Variants in KAZN observed in about 807,000 individuals in gnomAD.
The protein encoded by KAZN is kazrin.
Under a neutral mutation model 87.4 loss-of-function variants are expected in KAZN, and 40 were observed. The observed-to-expected ratio is 0.46, with a 90% confidence interval of 0.36 to 0.60. The LOEUF is 0.60. Ranked by LOEUF, KAZN falls within the 20% of genes least tolerant of loss-of-function variation. The probability of loss-of-function intolerance (pLI) is 0.00; values close to 1 mark genes in which losing one functional copy is unlikely to be tolerated. For synonymous variants in KAZN, 466 were observed against 458.3 expected (o/e 1.02, Z -0.22); for missense variants, 898 against 1,073.9 (o/e 0.84, Z 2.29).
At chr1:14,817,809 C>T (rs10489354) in intron 1 of KAZN, among the ~76,000 whole-genome samples, 37,801 of 151,652 alleles carry the variant, frequency 0.25, 5,152 homozygotes, top group African/African-American at 0.35. Context: ...ATTATTAAAA[C>T]TGTGTATATA....
At chr1:13,921,975 T>C (rs185476962) in intron 1 of KAZN, among the ~76,000 whole-genome samples, 1 of 152,194 alleles carries the variant, frequency 6.6e-6, no homozygotes, top group African/African-American at 2.4e-5. Flanking sequence ...AGGTCATGAG[T>C]CATTGGAGAG....
chr1:14,244,359 ACT>A (rs1649296172), intron 2 of KAZN, among the ~76,000 whole-genome samples: 1 of 151,738 alleles, frequency 6.6e-6, no homozygotes, highest in Non-Finnish European at 1.5e-5. Flanking sequence ...GCTCATACGA[ACT>A]CTCTAACCCA....
At chr1:14,407,785 C>T (rs932839780) in intron 2 of KAZN, among the ~76,000 whole-genome samples, 2 of 151,972 alleles carry the variant, frequency 1.3e-5, no homozygotes, top group African/African-American at 4.8e-5. Context: ...GACAAATATG[C>T]ACTTGAATGA....
At chr1:14,582,440 T>A (rs1402331540) in intron 2 of KAZN, among the ~76,000 whole-genome samples, 2 of 152,196 alleles carry the variant, frequency 1.3e-5, no homozygotes, top group Admixed American at 6.5e-5. Context: ...GACCGACTCT[T>A]CAGCTTGAAA....
rs375276091 is a variant in KAZN, at chr1:14,537,575, G to C, written c.250-61408G>C. Among the ~76,000 whole-genome samples the C allele has an allele frequency of 1.8e-4, 28 of 152,250 alleles. No homozygotes were observed. The East Asian group carries it at 5.2e-3, about 28-fold the overall frequency. ...CCCTGCCACTCATTCTCAGTAGCCT[G>C]AGTGTGGTCATTTGAATTTCCAAGC... On this transcript the variant is annotated intron_variant, in intron 2 of 16. Transcript: ENST00000636203.
intron 1 of KAZN, among the ~76,000 whole-genome samples, chr1:14,725,975 G>T (rs1025359656): frequency 2.0e-4 from 30 of 152,318 alleles, no homozygotes; most frequent in African/African-American, 6.7e-4. Context: ...TTGCATCTAG[G>T]TTGCACTAAA....
intron 1 of KAZN, among the ~76,000 whole-genome samples, chr1:13,895,335 T>A (rs1638995269): frequency 6.6e-6 from 1 of 152,182 alleles, no homozygotes; most frequent in African/African-American, 2.4e-5. Context: ...CTTGCCTTTC[T>A]ACTTCTCTGA....
chr1:14,377,709 T>G (rs962592105), intron 2 of KAZN, among the ~76,000 whole-genome samples: 11 of 152,232 alleles, frequency 7.2e-5, no homozygotes, highest in Non-Finnish European at 1.3e-4. Flanking sequence ...GAAAGCCTGC[T>G]GCTAACTCCA....
chr1:14,598,404 C>A (rs1180577094), upstream of KAZN, among the ~76,000 whole-genome samples: 1 of 152,122 alleles, frequency 6.6e-6, no homozygotes, highest in African/African-American at 2.4e-5. This position sits in a 1 kb window ranked among gnomAD's most constrained non-coding sequence, Gnocchi z 4.2. Context: ...AACCTTAGCA[C>A]GGCTCGGGGC....
intron 1 of KAZN, among the ~76,000 whole-genome samples, chr1:14,132,695 G>A (rs189306462): frequency 2.0e-5 from 3 of 152,264 alleles, no homozygotes; most frequent in East Asian, 1.9e-4. Flanking sequence ...CCACCCATTC[G>A]ATGGAATGTT....
rs965563861 is a variant in KAZN at position 15,094,430 on chromosome 1, G to T, written c.1428+45G>T. Reference sequence around the variant, plus strand: ...CTATGGGATGCCACCCATGCCCTCTGTGAGCTTTACGTACCCAGAAGCTGG... The same window carrying T: ...CTATGGGATGCCACCCATGCCCTCTTTGAGCTTTACGTACCCAGAAGCTGG... On this transcript the variant is annotated intron_variant, in intron 9 of 14. Coordinates refer to ENST00000376030, the MANE Select transcript of KAZN (RefSeq NM_201628.3). This position sits in a 1 kb window ranked among gnomAD's most constrained non-coding sequence, Gnocchi z 4.5. 6.4e-7 allele frequency: 1 copy of T among 1,551,230 alleles called. No individual in the cohort carries two copies. Among genetic ancestry groups the T allele is most frequent in the Admixed American group, 1.9e-5 (1 of 53,562 alleles).
intron 1 of KAZN, among the ~76,000 whole-genome samples, chr1:14,168,530 G>A (rs1645881476): frequency 1.3e-5 from 2 of 152,174 alleles, no homozygotes; most frequent in Admixed American, 6.5e-5. Flanking sequence ...GACTTTGAAG[G>A]ATGTGGCGGG....
intron 2 of KAZN, among the ~76,000 whole-genome samples, chr1:14,418,069 C>T (rs1302490185): frequency 2.3e-5 from 3 of 130,130 alleles, no homozygotes; most frequent in Non-Finnish European, 4.7e-5. Context: ...TTTGCCATCT[C>T]TAGACATGTC....
intron 2 of KAZN, among the ~76,000 whole-genome samples, chr1:14,193,538 C>A (rs1646465202): frequency 6.6e-6 from 1 of 152,126 alleles, no homozygotes; most frequent in African/African-American, 2.4e-5. Flanking sequence ...CAGCCTCCAG[C>A]ACTGTAAGAC....
At chr1:14,260,217 A>G (rs562328450) in intron 2 of KAZN, among the ~76,000 whole-genome samples, 1 of 152,328 alleles carries the variant, frequency 6.6e-6, no homozygotes, top group South Asian at 2.1e-4. Context: ...TGAGCAAAAC[A>G]GACAGATATC....
In KAZN at chr1:14,151,298, C is replaced by T. The variant is rs569794120; in HGVS notation, c.92-29137C>T. On this transcript the variant is annotated intron_variant, in intron 1 of 16. Coordinates refer to the KAZN transcript ENST00000636203. ...AAGACACTAAACTGGTAGTTTTGAACCATGCATTTTTTTTTCAGGACATAA... is the reference window on the plus strand; with the variant it reads ...AAGACACTAAACTGGTAGTTTTGAATCATGCATTTTTTTTTCAGGACATAA... Among the ~76,000 whole-genome samples the T allele has an allele frequency of 3.0e-4, 46 of 152,114 alleles. 1 individual carries two copies. The highest frequency in any genetic ancestry group is 3.4e-3 in the Middle Eastern group (1 of 292).
At chr1:14,407,918 T>A (rs894307245) in intron 2 of KAZN, among the ~76,000 whole-genome samples, 53 of 152,316 alleles carry the variant, frequency 3.5e-4, no homozygotes, top group African/African-American at 1.2e-3. Context: ...AGACATTTCA[T>A]TATTTGCTAC....
intron 1 of KAZN, among the ~76,000 whole-genome samples, chr1:14,646,143 G>T (rs905970605): frequency 1.3e-5 from 2 of 152,184 alleles, no homozygotes; most frequent in African/African-American, 4.8e-5. Context: ...GGAGTGCTTT[G>T]GGTGATAGAC....
intron 1 of KAZN, among the ~76,000 whole-genome samples, chr1:13,908,025 G>C (rs192790456): frequency 2.6e-5 from 4 of 152,358 alleles, no homozygotes; most frequent in Non-Finnish European, 1.5e-5. Flanking sequence ...AGATGGAATA[G>C]ATGACAAGGC....
Sources: allele counts gnomAD v4.1 joint callset (sites outside exome capture counted in the v4.1 genomes callset), GRCh38; gene constraint gnomAD v4.1.1; non-coding constraint Gnocchi (gnomAD v3.1); transcripts MANE v1.5; gene names NCBI Gene and HGNC (gene_info 2026-07-23, HGNC 2026-07-21).